The following CNTNAP2 variants were observed in gnomAD, a reference collection of about 807,000 sequenced individuals.
CNTNAP2 encodes contactin-associated protein-like 2.
A neutral mutation model predicts 155.2 loss-of-function variants in CNTNAP2; 98 were observed. The ratio of observed to expected loss-of-function variants is 0.63; its 90% CI spans 0.54 to 0.75. The LOEUF is 0.75. Ranked by LOEUF, CNTNAP2 falls within the 30% of genes least tolerant of loss-of-function variation. CNTNAP2 has a pLI of 0.00. For synonymous variants in CNTNAP2, 651 were observed against 631.2 expected (o/e 1.03, Z -0.47); for missense variants, 1,727 against 1,688.1 (o/e 1.02, Z -0.40).
chr7:148,061,561 G>T (rs578109668), intron 15 of CNTNAP2, among the ~76,000 whole-genome samples: 1 of 151,894 alleles, frequency 6.6e-6, no homozygotes, highest in East Asian at 1.9e-4. Flanking sequence ...CACCATGTCG[G>T]CCAGGCCTAT....
intron 20 of CNTNAP2, among the ~76,000 whole-genome samples, chr7:148,255,503 G>A (rs1167068660): frequency 6.6e-6 from 1 of 152,186 alleles, no homozygotes; most frequent in Non-Finnish European, 1.5e-5. Flanking sequence ...TGGAGTATTA[G>A]TCTAGATAAA....
At position 146,672,065 on chromosome 7, in the gene CNTNAP2, C is replaced by T. The variant is rs577185124; in HGVS notation, c.98-102206C>T. ...TCCTGACCTCATGATCTACCCACCTCGGCCTCCCAAAGTGCTGGGATTACA... is the reference window on the plus strand; with the variant it reads ...TCCTGACCTCATGATCTACCCACCTTGGCCTCCCAAAGTGCTGGGATTACA... On this transcript the variant is annotated intron_variant, in intron 1 of 23. Transcript: ENST00000361727. 1.1e-3 allele frequency among the ~76,000 whole-genome samples: 160 copies of T among 152,164 alleles called. 4 individuals are homozygous for T. The highest frequency in any genetic ancestry group is 6.2e-4 in the South Asian group (3 of 4,812).
At chr7:146,132,894 G>A (rs1195446832) in intron 1 of CNTNAP2, among the ~76,000 whole-genome samples, 1 of 148,958 alleles carries the variant, frequency 6.7e-6, no homozygotes, top group Non-Finnish European at 1.5e-5. Flanking sequence ...TGTCTTTATA[G>A]CAGCATGATT....
intron 15 of CNTNAP2, among the ~76,000 whole-genome samples, chr7:147,979,195 C>T (rs13229141): frequency 0.35 from 53,192 of 151,982 alleles, 9,605 homozygotes; most frequent in East Asian, 0.58. Context: ...TCTCTACTTA[C>T]ATTGAAAATG....
At chr7:146,264,951 G>T (rs1008434902) in intron 1 of CNTNAP2, among the ~76,000 whole-genome samples, 1 of 152,192 alleles carries the variant, frequency 6.6e-6, no homozygotes, top group Non-Finnish European at 1.5e-5. Context: ...ATCTGAATGA[G>T]TAACCACATT....
intron 13 of CNTNAP2, among the ~76,000 whole-genome samples, chr7:147,839,250 C>A (rs1424041869): frequency 6.6e-6 from 1 of 152,146 alleles, no homozygotes; most frequent in Non-Finnish European, 1.5e-5. Context: ...TGTTAGTCTC[C>A]TTTGGCAGCA....
At chr7:147,383,841 A>G (rs1256386750) in intron 9 of CNTNAP2, among the ~76,000 whole-genome samples, 1 of 152,104 alleles carries the variant, frequency 6.6e-6, no homozygotes, top group African/African-American at 2.4e-5. Context: ...TAGAAAAAGA[A>G]AATACCATAT....
chr7:147,685,736 A>T (rs905610279), intron 13 of CNTNAP2, among the ~76,000 whole-genome samples: 1 of 152,056 alleles, frequency 6.6e-6, no homozygotes, highest in Non-Finnish European at 1.5e-5. Context: ...TAATACTGCT[A>T]TGGAAAAAAT....
At chr7:146,728,536 A>C (rs1304288972) in intron 1 of CNTNAP2, among the ~76,000 whole-genome samples, 1 of 151,992 alleles carries the variant, frequency 6.6e-6, no homozygotes, top group Non-Finnish European at 1.5e-5. Context: ...ATCATTTCAC[A>C]ATGTATACCT....
At chr7:146,152,319 G>C (rs1798064279) in intron 1 of CNTNAP2, among the ~76,000 whole-genome samples, 1 of 152,014 alleles carries the variant, frequency 6.6e-6, no homozygotes, top group Admixed American at 6.6e-5. Context: ...AGAAGTTGCT[G>C]TCATAGAAGT....
chr7:148,154,844 G>A (rs928020022), intron 17 of CNTNAP2, among the ~76,000 whole-genome samples: 3 of 152,084 alleles, frequency 2.0e-5, no homozygotes, highest in Non-Finnish European at 4.4e-5. Context: ...AGCTGAGGCA[G>A]GAGAATAGCT....
intron 1 of CNTNAP2, among the ~76,000 whole-genome samples, chr7:146,400,323 A>G (rs1795696132): frequency 6.6e-6 from 1 of 152,174 alleles, no homozygotes; most frequent in Admixed American, 6.5e-5. Flanking sequence ...TCTTTGAATT[A>G]CCATTTTCTT....
At chr7:148,022,893 G>A (rs1802309727) in intron 15 of CNTNAP2, among the ~76,000 whole-genome samples, 1 of 152,068 alleles carries the variant, frequency 6.6e-6, no homozygotes, top group Non-Finnish European at 1.5e-5. Context: ...CTTCATGCTT[G>A]AAATCTGAAT....
intron 2 of CNTNAP2, among the ~76,000 whole-genome samples, chr7:146,818,368 A>G (rs537205328): frequency 2.3e-4 from 35 of 152,312 alleles, no homozygotes; most frequent in African/African-American, 8.2e-4. Context: ...TTATAGAATC[A>G]TCTTACTTTT....
intron 17 of CNTNAP2, among the ~76,000 whole-genome samples, chr7:148,156,432 C>T (rs1266911322): frequency 6.6e-6 from 1 of 152,024 alleles, no homozygotes; most frequent in Non-Finnish European, 1.5e-5. Context: ...CTTATTTTTC[C>T]TACCAAGCTG....
chr7:148,190,375 GT>G, intron 18 of CNTNAP2: 1 of 152,330 alleles, frequency 6.6e-6, no homozygotes, highest in South Asian at 2.1e-4. Context: ...AATTGTTGTT[GT>G]TTTAAACCAG....
chr7:147,329,904 T>C (rs1248661922), intron 9 of CNTNAP2, among the ~76,000 whole-genome samples: 2 of 152,168 alleles, frequency 1.3e-5, no homozygotes, highest in Admixed American at 1.3e-4. Context: ...GATTCCCTTC[T>C]TATGTAATGT....
chr7:147,084,531 CTATA>C (rs200565763), intron 4 of CNTNAP2, among the ~76,000 whole-genome samples: 24,925 of 142,430 alleles, frequency 0.17, 2,460 homozygotes, highest in East Asian at 0.35. Context: ...ACATATAATA[CTATA>C]TATAATATAT....
At chr7:147,102,543 A>G (rs1327011147) in intron 4 of CNTNAP2, among the ~76,000 whole-genome samples, 1 of 152,178 alleles carries the variant, frequency 6.6e-6, no homozygotes, top group Admixed American at 6.5e-5. Flanking sequence ...GGGGAAAGCA[A>G]CATATTTTAA....
Sources: allele counts gnomAD v4.1 joint callset (sites outside exome capture counted in the v4.1 genomes callset), GRCh38; gene constraint gnomAD v4.1.1; transcripts MANE v1.5; gene names NCBI Gene and HGNC (gene_info 2026-07-23, HGNC 2026-07-21).